WDR7: variants seen among roughly 807,000 people sequenced by gnomAD.
The protein encoded by WDR7 is WD repeat-containing protein 7.
In WDR7, 46 loss-of-function variants were observed where a neutral mutation model predicts 169.4. That is an observed-to-expected ratio of 0.27 (90% CI 0.21 to 0.35). The LOEUF is 0.35. Ranked by LOEUF, WDR7 falls within the 10% of genes least tolerant of loss-of-function variation. The pLI, the probability that WDR7 is intolerant of heterozygous loss-of-function variation, is 1.00. For missense variants in WDR7, 1,534 were observed against 1,859.3 expected (o/e 0.83, Z 3.22); for synonymous variants, 612 against 666.8 (o/e 0.92, Z 1.27).
chr18:56,951,100 C>A (rs2047174796), intron 25 of WDR7, among the ~76,000 whole-genome samples: 1 of 152,196 alleles, frequency 6.6e-6, no homozygotes, highest in Non-Finnish European at 1.5e-5. Context: ...CTTGGTCTCA[C>A]CGTTCAGGTC....
chr18:56,740,602 G>C (rs1391978153), intron 14 of WDR7, among the ~76,000 whole-genome samples: 1 of 152,172 alleles, frequency 6.6e-6, no homozygotes, highest in East Asian at 1.9e-4. Context: ...CTGAGTCAAG[G>C]CTAGGTTGCA....
intron 25 of WDR7, 40 bp from the exon 26 acceptor site, chr18:56,962,390 C>T (rs1014070885): frequency 1.6e-5 from 26 of 1,583,984 alleles, no homozygotes; most frequent in Non-Finnish European, 2.3e-5. Context: ...TCTCACCTGG[C>T]TTCTTGTTTT....
Position 56,839,414 on chromosome 18 carries a change from T to A in WDR7, c.3304+23270T>A, listed in dbSNP as rs575363510. 2.6e-5 allele frequency among the ~76,000 whole-genome samples: 4 copies of A among 152,334 alleles called. No individual in the cohort carries two copies. The South Asian group carries it at 8.3e-4, about 32-fold the overall frequency. On this transcript the variant is annotated intron_variant, in intron 20 of 27. Coordinates refer to ENST00000254442, the MANE Select transcript of WDR7 (RefSeq NM_015285.3). ...AGATATCATATTATTTTGTCATTAA[T>A]GTTTCAGTGTGTATCTCTTACTTAT...
chr18:56,902,437 A>G (rs1272025444), intron 21 of WDR7, among the ~76,000 whole-genome samples: 1 of 152,196 alleles, frequency 6.6e-6, no homozygotes, highest in African/African-American at 2.4e-5. Flanking sequence ...TTTAAATGCT[A>G]GACAAAGATT....
At chr18:56,930,923 T>C (rs1025381383) in intron 22 of WDR7, among the ~76,000 whole-genome samples, 9 of 152,252 alleles carry the variant, frequency 5.9e-5, no homozygotes, top group Non-Finnish European at 1.0e-4. Flanking sequence ...AAAGTGTTCT[T>C]ACATGTAACT....
At chr18:56,700,419 G>T (rs1196360799) in intron 12 of WDR7, among the ~76,000 whole-genome samples, 5 of 151,372 alleles carry the variant, frequency 3.3e-5, no homozygotes, top group South Asian at 2.1e-4. Context: ...ACCTTGCCCA[G>T]CTAATTTTTG....
At chr18:56,738,522 G>A (rs1215931506) in intron 14 of WDR7, among the ~76,000 whole-genome samples, 1 of 152,096 alleles carries the variant, frequency 6.6e-6, no homozygotes, top group African/African-American at 2.4e-5. Context: ...CATGCCACAG[G>A]ACTATAGCCT....
intron 14 of WDR7, among the ~76,000 whole-genome samples, chr18:56,733,036 G>A (rs1028364650): frequency 2.0e-5 from 3 of 152,134 alleles, no homozygotes; most frequent in African/African-American, 7.2e-5. Flanking sequence ...GTAAGTGGTC[G>A]TGGTCCATTA....
At chr18:56,986,184 A>G (rs2047717317) in intron 26 of WDR7, among the ~76,000 whole-genome samples, 1 of 147,472 alleles carries the variant, frequency 6.8e-6, no homozygotes, top group Non-Finnish European at 1.5e-5. Flanking sequence ...GTGTGTATAC[A>G]TATTCAACTT....
chr18:56,961,439 C>CA (rs111789709), intron 25 of WDR7, among the ~76,000 whole-genome samples: 9,610 of 152,034 alleles, frequency 0.063, 941 homozygotes, highest in African/African-American at 0.21. Context: ...AGAATTGGTG[C>CA]AAAATCCTCC....
intron 2 of WDR7, among the ~76,000 whole-genome samples, chr18:56,676,962 G>A (rs1298416757): frequency 2.0e-5 from 3 of 152,160 alleles, no homozygotes; most frequent in Non-Finnish European, 4.4e-5. Context: ...TACCGTCTGT[G>A]TCTTGAAACG....
At chr18:56,966,667 G>A (rs2047414460) in intron 26 of WDR7, among the ~76,000 whole-genome samples, 2 of 152,066 alleles carry the variant, frequency 1.3e-5, no homozygotes, top group Admixed American at 1.3e-4. Context: ...AACTCTGAGG[G>A]AGTTGGCACC....
At position 57,027,189 on chromosome 18, in the gene WDR7, G is replaced by A. The variant is rs752313530; in HGVS notation, c.4455G>A (p.Glu1485=). The A allele has an allele frequency of 9.4e-5, 151 of 1,613,538 alleles. No homozygotes were observed. Among genetic ancestry groups the A allele is most frequent in the Non-Finnish European group, 1.2e-4 (147 of 1,179,870 alleles). The part of the protein sequence containing the change: ...NVILMAHDGK[E]HRFMV ...TCCTCATGGCCCATGACGGGAAGGA[G>A]CACCGCTTCATGGTCTAATGCTGCT... is the stretch of plus-strand genomic sequence containing the variant. Residue 1485 remains glutamate, a synonymous_variant, in exon 28 of 28, where the codon GAG becomes GAA. Transcript: ENST00000254442.
chr18:56,712,739 T>A (rs958323924), intron 12 of WDR7, among the ~76,000 whole-genome samples: 1 of 152,216 alleles, frequency 6.6e-6, no homozygotes, highest in Admixed American at 6.5e-5. Context: ...ACAATACAAA[T>A]TTTTAAGGGG....
chr18:56,841,544 TAAAA>T (rs760187510), intron 20 of WDR7, among the ~76,000 whole-genome samples: 2 of 121,098 alleles, frequency 1.7e-5, no homozygotes, highest in Non-Finnish European at 1.8e-5. Flanking sequence ...AGACTCTGTC[TAAAA>T]AAAAAAAAAA....
intron 22 of WDR7, among the ~76,000 whole-genome samples, chr18:56,925,640 A>G (rs1274442834): frequency 6.6e-6 from 1 of 152,098 alleles, no homozygotes; most frequent in Admixed American, 6.6e-5. Context: ...CTTTGGGTCC[A>G]TAGTTGTCTA....
Position 56,683,316 on chromosome 18 carries a change from T to C in WDR7, c.520+463T>C, listed in dbSNP as rs145538992. On this transcript the variant is annotated intron_variant, in intron 5 of 27. Transcript: ENST00000254442. ...GTTCCTGGAAGGGGCTGATATGTAC[T>C]TGATGCTCAATAAATATTATTATCT... is the stretch of plus-strand genomic sequence containing the variant. Among the ~76,000 whole-genome samples the C allele has an allele frequency of 3.7e-3, 562 of 152,340 alleles. 3 individuals are homozygous for C. Among genetic ancestry groups the C allele is most frequent in the Middle Eastern group, 0.017 (5 of 294 alleles).
chr18:57,034,250 A>G (rs1277694290), downstream of WDR7: 2 of 152,254 alleles, frequency 1.3e-5, no homozygotes, highest in African/African-American at 4.8e-5. Context: ...CCCAAGCTCC[A>G]TTTCAAAACC....
intron 14 of WDR7, among the ~76,000 whole-genome samples, chr18:56,748,712 C>G (rs1030794086): frequency 6.6e-6 from 1 of 151,998 alleles, no homozygotes; most frequent in African/African-American, 2.4e-5. Context: ...GTCATTCACA[C>G]CTACCCATGA....
Sources: gnomAD v4.1 joint callset for allele counts (sites outside exome capture counted in the v4.1 genomes callset) on GRCh38, gnomAD v4.1.1 for gene constraint, MANE v1.5 for transcripts, NCBI Gene and HGNC (gene_info 2026-07-23, HGNC 2026-07-21) for gene names.